Variants in FAM117A observed in about 807,000 individuals in gnomAD.
The protein encoded by FAM117A is protein FAM117A.
FAM117A carries 21 observed loss-of-function variants against 44.1 expected under a neutral mutation model. That is an observed-to-expected ratio of 0.48 (90% CI 0.34 to 0.69). FAM117A has a LOEUF of 0.69. Ranked by LOEUF, FAM117A falls within the 30% of genes least tolerant of loss-of-function variation. FAM117A has a pLI of 0.01. For synonymous variants in FAM117A, 220 were observed against 238.3 expected, an observed-to-expected ratio of 0.92 and a Z score of 0.71; for missense variants, 498 against 589.9, an observed-to-expected ratio of 0.84 and a Z score of 1.61.
At chr17:49,777,331 C>A (rs1286385996) in intron 1 of FAM117A, among the ~76,000 whole-genome samples, 1 of 152,164 alleles carries the variant, frequency 6.6e-6, no homozygotes, top group African/African-American at 2.4e-5. Context: ...CACCAGTGCA[C>A]CACTGACAAG....
chr17:49,721,789 C>T (rs1214206493), intron 3 of FAM117A, among the ~76,000 whole-genome samples: 1 of 152,130 alleles, frequency 6.6e-6, no homozygotes, highest in East Asian at 1.9e-4. Flanking sequence ...TTTTTCTCTT[C>T]TCTTGAAAAT....
At chr17:49,764,261 C>T (rs1403845056), upstream of FAM117A, 2 of 381,158 alleles carry the variant, frequency 5.2e-6, no homozygotes, top group Non-Finnish European at 9.4e-6. Flanking sequence ...CTTAGCCTTC[C>T]CTTTCCTGAG....
At chr17:49,711,676 A>C in intron 7 of FAM117A, 121 bp from the exon 8 acceptor site, 1 of 943,256 alleles carries the variant, frequency 1.1e-6, no homozygotes, top group African/African-American at 1.7e-5. Flanking sequence ...GTTCAAACAG[A>C]ATTGGAACTT....
intron 4 of FAM117A, 127 bp downstream of exon 4, chr17:49,720,199 T>G: frequency 1.3e-6 from 1 of 776,600 alleles, no homozygotes; most frequent in Non-Finnish European, 2.0e-6. Context: ...AAGTTTGGAC[T>G]AAAACTTCAC....
chr17:49,747,453 G>A (rs1017077794), intron 1 of FAM117A, among the ~76,000 whole-genome samples: 2 of 152,182 alleles, frequency 1.3e-5, no homozygotes, highest in Non-Finnish European at 2.9e-5. Context: ...GCTATGGGGA[G>A]GAAGTTGGGG....
intron 1 of FAM117A, among the ~76,000 whole-genome samples, chr17:49,778,526 A>T (rs2073781116): frequency 6.6e-6 from 1 of 152,144 alleles, no homozygotes; most frequent in Non-Finnish European, 1.5e-5. Context: ...CTCCATTTAG[A>T]TCAATTCAGA....
intron 1 of FAM117A, among the ~76,000 whole-genome samples, chr17:49,760,631 G>C (rs965143900): frequency 1.3e-5 from 2 of 152,166 alleles, no homozygotes; most frequent in African/African-American, 4.8e-5. Context: ...TCCCAGTGGG[G>C]CTGGTCCACT....
intron 2 of FAM117A, among the ~76,000 whole-genome samples, chr17:49,725,035 A>G (rs971763127): frequency 2.0e-5 from 3 of 152,100 alleles, no homozygotes; most frequent in African/African-American, 4.8e-5. Flanking sequence ...ACCCCTGGCC[A>G]TAGAATTCAC....
chr17:49,739,394 A>C (rs943528381), intron 1 of FAM117A, among the ~76,000 whole-genome samples: 25 of 152,168 alleles, frequency 1.6e-4, no homozygotes, highest in African/African-American at 5.3e-4. Flanking sequence ...TAAGTGATGC[A>C]GGGTAGAATA....
chr17:49,765,698 G>A (rs1248810978), upstream of FAM117A: 2 of 152,118 alleles, frequency 1.3e-5, no homozygotes, highest in Non-Finnish European at 1.5e-5. Context: ...TTTCCATGAA[G>A]AGGACAATCT....
At chr17:49,746,928 G>A (rs1025761456) in intron 1 of FAM117A, among the ~76,000 whole-genome samples, 7 of 152,136 alleles carry the variant, frequency 4.6e-5, no homozygotes, top group Middle Eastern at 3.2e-3. Context: ...GCTAGAATCC[G>A]CCTCTGAACA....
chr17:49,774,791 G>A (rs561535884), intron 1 of FAM117A, among the ~76,000 whole-genome samples: 2 of 152,202 alleles, frequency 1.3e-5, no homozygotes, highest in African/African-American at 2.4e-5. Flanking sequence ...TGATGCTAAC[G>A]GTCCTGCAGG....
chr17:49,787,124 T>C (rs1266354659), intron 1 of FAM117A, among the ~76,000 whole-genome samples: 4 of 152,068 alleles, frequency 2.6e-5, no homozygotes, highest in Non-Finnish European at 1.5e-5. Flanking sequence ...AGTAGGATGG[T>C]ATGAAATAAC....
At chr17:49,760,323 T>G (rs1306581313) in intron 1 of FAM117A, among the ~76,000 whole-genome samples, 1 of 152,220 alleles carries the variant, frequency 6.6e-6, no homozygotes, top group Non-Finnish European at 1.5e-5. Context: ...ACAGGTACAC[T>G]GTTTGAGACA....
intron 2 of FAM117A, among the ~76,000 whole-genome samples, chr17:49,724,130 A>G (rs1567827491): frequency 6.6e-6 from 1 of 152,168 alleles, no homozygotes; most frequent in Non-Finnish European, 1.5e-5. Flanking sequence ...ACAAAGCCTC[A>G]GAAAAGGCTG....
Position 49,720,234 on chromosome 17 carries a change from T to G in FAM117A, c.573+92A>C, listed in dbSNP as rs1000514994. 3.0e-6 allele frequency: 3 copies of G among 995,046 alleles called. No individual in the cohort carries two copies. In the Admixed American group the frequency reaches 6.2e-5, roughly 20 times the overall value. The allele number at this position is 995,046 out of a possible 1,614,324, so 61.6% of individuals were successfully genotyped here. ...CAAAGCATGCAGTGTGGTAGGGGGC[T>G]CGGCAGTTCCAAGACCCAGGAAACC... On this transcript the variant is annotated intron_variant, in intron 4 of 7. Coordinates refer to ENST00000240364, the MANE Select transcript of FAM117A (RefSeq NM_030802.4).
At chr17:49,730,860 C>T (rs1345297330) in intron 2 of FAM117A, among the ~76,000 whole-genome samples, 1 of 152,160 alleles carries the variant, frequency 6.6e-6, no homozygotes, top group African/African-American at 2.4e-5. Flanking sequence ...ATTTTAACTG[C>T]AGCAAATTCT....
At chr17:49,783,816 G>A (rs113045398) in intron 1 of FAM117A, among the ~76,000 whole-genome samples, 4 of 152,298 alleles carry the variant, frequency 2.6e-5, no homozygotes, top group African/African-American at 9.6e-5. Flanking sequence ...GTCTTTAAAA[G>A]GCCAAGGCAT....
chr17:49,712,314 T>C (rs1160879198), intron 7 of FAM117A, among the ~76,000 whole-genome samples: 2 of 152,166 alleles, frequency 1.3e-5, no homozygotes, highest in Non-Finnish European at 2.9e-5. Context: ...GATGGAGGCA[T>C]TGTCCTGTGC....
Sources: gnomAD v4.1 joint callset for allele counts (sites outside exome capture counted in the v4.1 genomes callset) on GRCh38, gnomAD v4.1.1 for gene constraint, MANE v1.5 for transcripts, NCBI Gene and HGNC (gene_info 2026-07-23, HGNC 2026-07-21) for gene names.